Variants in ACAP2 observed in about 807,000 individuals in gnomAD.
The protein encoded by ACAP2 is ArfGAP with coiled-coil, ankyrin repeat and PH domains 2.
Under a neutral mutation model 115.8 loss-of-function variants are expected in ACAP2, and 39 were observed. The observed-to-expected ratio is 0.34, with a 90% CI of 0.26 to 0.44. The LOEUF (loss-of-function observed/expected upper bound fraction) is 0.44. ACAP2 is among the 20% of genes least tolerant of loss of function. The probability of loss-of-function intolerance (pLI) is 1.00; values close to 1 mark genes in which losing one functional copy is unlikely to be tolerated. For synonymous variants in ACAP2, 289 were observed against 315.8 expected (o/e 0.92, Z 0.90); for missense variants, 662 against 927.6 (o/e 0.71, Z 3.72).
intron 10 of ACAP2, among the ~76,000 whole-genome samples, chr3:195,311,143 C>T (rs1281146665): frequency 7.0e-6 from 1 of 143,370 alleles, no homozygotes; most frequent in Non-Finnish European, 1.5e-5. Context: ...GTCACCCAAG[C>T]TGGAGTGCAG....
At chr3:195,349,329 A>C (rs1202659341) in intron 4 of ACAP2, among the ~76,000 whole-genome samples, 2 of 152,094 alleles carry the variant, frequency 1.3e-5, no homozygotes, top group Admixed American at 1.3e-4. Context: ...TAAAAATACA[A>C]AATCAGCCGG....
intron 4 of ACAP2, among the ~76,000 whole-genome samples, chr3:195,373,706 G>C (rs1733329801): frequency 2.0e-5 from 3 of 152,060 alleles, no homozygotes; most frequent in Admixed American, 2.0e-4. Flanking sequence ...GAGGCGGGTG[G>C]ATCATTTGAG....
chr3:195,420,101 T>A (rs1192181015), intron 1 of ACAP2, among the ~76,000 whole-genome samples: 2 of 152,000 alleles, frequency 1.3e-5, no homozygotes, highest in Non-Finnish European at 2.9e-5. Context: ...CAGATATGAT[T>A]CCTTACTCAT....
chr3:195,307,486 T>C lies in ACAP2; in HGVS notation c.910-163A>G, dbSNP rs575053744. ...CAATATAGACATAAAAGTAATTTTGTCCTGTTAATAACTGTATCTACCTCA... is the reference window on the plus strand; with the variant it reads ...CAATATAGACATAAAAGTAATTTTGCCCTGTTAATAACTGTATCTACCTCA... On this transcript the variant is annotated intron_variant, in intron 11 of 22. Transcript: ENST00000326793. Among the ~76,000 whole-genome samples, 3 of 152,344 alleles carry C rather than the reference T, an allele frequency of 2.0e-5. No homozygotes were observed. In the East Asian group the frequency reaches 5.8e-4, roughly 29 times the overall value.
Position 195,362,073 on chromosome 3 carries a change from G to A in ACAP2, c.286-16756C>T, listed in dbSNP as rs190403108. ...CACTCCTGTAATCCTAGCACTTTGGGAGGCCAAGGTGGGTGGATCACCTGA... is the reference window on the plus strand; with the variant it reads ...CACTCCTGTAATCCTAGCACTTTGGAAGGCCAAGGTGGGTGGATCACCTGA... On this transcript the variant is annotated intron_variant, in intron 4 of 22. Transcript: ENST00000326793. Among the ~76,000 whole-genome samples the A allele has an allele frequency of 2.0e-3, 301 of 152,234 alleles. 2 individuals carry two copies. In the Middle Eastern group the frequency reaches 0.031, roughly 15 times the overall value.
At chr3:195,429,552 G>A (rs1012373961) in intron 1 of ACAP2, among the ~76,000 whole-genome samples, 2 of 152,052 alleles carry the variant, frequency 1.3e-5, no homozygotes, top group Admixed American at 6.6e-5. Flanking sequence ...TTCAAAAAAA[G>A]CAAAACAGTG....
At chr3:195,327,007 T>C in intron 8 of ACAP2, 48 bp from the exon 9 acceptor site, 1 of 1,504,410 alleles carries the variant, frequency 6.6e-7, no homozygotes, top group South Asian at 1.2e-5. Context: ...AAAGTATGGA[T>C]TAGTTTTTCA....
intron 7 of ACAP2, among the ~76,000 whole-genome samples, chr3:195,333,734 A>G (rs1454229145): frequency 1.3e-5 from 2 of 152,336 alleles, no homozygotes; most frequent in African/African-American, 2.4e-5. Context: ...GGTCCATTAT[A>G]AAGTATTTAT....
At chr3:195,428,947 A>G (rs1016571953) in intron 1 of ACAP2, among the ~76,000 whole-genome samples, 1 of 152,248 alleles carries the variant, frequency 6.6e-6, no homozygotes, top group Non-Finnish European at 1.5e-5. Context: ...AAGAGAAATG[A>G]AAACCTACCG....
At chr3:195,424,944 A>AG (rs1393338048) in intron 1 of ACAP2, among the ~76,000 whole-genome samples, 1 of 127,712 alleles carries the variant, frequency 7.8e-6, no homozygotes, top group Admixed American at 8.4e-5. Flanking sequence ...AAAAAAAAAA[A>AG]GGTTTTAAGA....
At chr3:195,305,680 T>C (rs1728374368) in intron 13 of ACAP2, among the ~76,000 whole-genome samples, 1 of 152,156 alleles carries the variant, frequency 6.6e-6, no homozygotes, top group Admixed American at 6.5e-5. Context: ...ACAGACGTAT[T>C]GAGGGCTATC....
chr3:195,361,294 G>A (rs1732349550), intron 4 of ACAP2, among the ~76,000 whole-genome samples: 1 of 152,078 alleles, frequency 6.6e-6, no homozygotes. Context: ...AAATTAGCCA[G>A]GTGTAATGGC....
chr3:195,333,923 A>G (rs1294288195), intron 7 of ACAP2, among the ~76,000 whole-genome samples: 1 of 152,224 alleles, frequency 6.6e-6, no homozygotes, highest in Non-Finnish European at 1.5e-5. Flanking sequence ...AAAATGAGTC[A>G]ACCGAATTTG....
chr3:195,440,154 T>C (rs1345553524), intron 1 of ACAP2, among the ~76,000 whole-genome samples: 1 of 152,090 alleles, frequency 6.6e-6, no homozygotes, highest in Non-Finnish European at 1.5e-5. Flanking sequence ...ATGAACAAGA[T>C]TTTGACCTTT....
intron 4 of ACAP2, among the ~76,000 whole-genome samples, chr3:195,377,664 A>G (rs775037587): frequency 3.2e-4 from 48 of 152,230 alleles, no homozygotes; most frequent in Non-Finnish European, 5.1e-4. Context: ...AAAAAAATTT[A>G]AAGTATTGGT....
chr3:195,344,508 C>G (rs570781867), intron 5 of ACAP2, among the ~76,000 whole-genome samples: 1 of 151,410 alleles, frequency 6.6e-6, no homozygotes, highest in Non-Finnish European at 1.5e-5. Flanking sequence ...ACAAAATACT[C>G]GTAAGTCACA....
intron 1 of ACAP2, among the ~76,000 whole-genome samples, chr3:195,441,352 CTT>C (rs1226322962): frequency 5.3e-5 from 8 of 152,222 alleles, no homozygotes; most frequent in Admixed American, 2.0e-4. Flanking sequence ...ATTTGTGTCT[CTT>C]GAGTCCTTCA....
chr3:195,401,534 G>A (rs374608840), intron 1 of ACAP2, among the ~76,000 whole-genome samples: 13 of 152,278 alleles, frequency 8.5e-5, no homozygotes, highest in Middle Eastern at 3.4e-3. Flanking sequence ...AGGCGTGGTG[G>A]TGCACGCCTG....
intron 4 of ACAP2, among the ~76,000 whole-genome samples, chr3:195,367,634 G>A (rs1732817967): frequency 6.6e-6 from 1 of 152,204 alleles, no homozygotes; most frequent in African/African-American, 2.4e-5. Flanking sequence ...AAAGAATGCA[G>A]AAGTGATGCG....
Sources: gnomAD v4.1 joint callset for allele counts (sites outside exome capture counted in the v4.1 genomes callset) on GRCh38, gnomAD v4.1.1 for gene constraint, MANE v1.5 for transcripts, NCBI Gene and HGNC (gene_info 2026-07-23, HGNC 2026-07-21) for gene names.